DNAH12: variants seen among roughly 807,000 people sequenced by gnomAD.
DNAH12 encodes the protein axonemal beta dynein heavy chain 12.
Under a neutral mutation model 371.5 loss-of-function variants are expected in DNAH12, and 285 were observed. The observed-to-expected ratio is 0.77, with a 90% confidence interval of 0.70 to 0.85. The LOEUF is 0.85. DNAH12 is among the 40% of genes least tolerant of loss of function. DNAH12 has a pLI of 0.00. For synonymous variants in DNAH12, 1,200 were observed against 1,213.0 expected (o/e 0.99, Z 0.22); for missense variants, 3,611 against 3,689.4 (o/e 0.98, Z 0.55).
chr3:57,394,835 G>A (rs1042480509), intron 43 of DNAH12, among the ~76,000 whole-genome samples: 68,476 of 151,878 alleles, frequency 0.45, 16,430 homozygotes, highest in East Asian at 0.62. Context: ...ACCTCTAGAC[G>A]CTTCAGTGTA....
intron 66 of DNAH12, among the ~76,000 whole-genome samples, 175 bp from the exon 67 acceptor site, chr3:57,311,125 G>A (rs547625241): frequency 6.6e-6 from 1 of 152,332 alleles, no homozygotes; most frequent in African/African-American, 2.4e-5. Flanking sequence ...GCCCAGGCTG[G>A]AGTGCAGAGG....
intron 4 of DNAH12, chr3:57,520,035 G>T (rs1028348241): frequency 1.6e-5 from 11 of 700,366 alleles, no homozygotes; most frequent in Non-Finnish European, 2.5e-5. Flanking sequence ...GCCGATGGCC[G>T]ACGTTGGGTT....
Position 57,403,470 on chromosome 3 carries a change from G to A in DNAH12, c.6787C>T (p.Arg2263Ter). 6.5e-7 allele frequency: 1 copy of A among 1,549,208 alleles called. No individual in the cohort carries two copies. Among genetic ancestry groups the A allele is most frequent in the Middle Eastern group, 1.7e-4 (1 of 5,982 alleles). ...TTTCCACCAGATTGCTTTAGAACTC[G>A]ACATATTCTTGATAAATGTTCCAAA... ...YVLEHLSRIC[R>*]VLKQSGGNAL... Residue 2263 changes from arginine to a stop codon, truncating the protein, a stop_gained, in exon 43 of 74, where the codon CGA becomes TGA. Transcript: ENST00000495027. LOFTEE classifies it high-confidence loss of function.
At chr3:57,323,753 C>G (rs1341628878) in intron 62 of DNAH12, 134 bp from the exon 63 acceptor site, 2 of 899,990 alleles carry the variant, frequency 2.2e-6, no homozygotes, top group African/African-American at 3.5e-5. Flanking sequence ...ATAGACAAAG[C>G]ACTAATTTCT....
At position 57,332,558 on chromosome 3, in the gene DNAH12, G is replaced by A. The variant is rs752089382; in HGVS notation, c.9978+1907C>T. On this transcript the variant is annotated intron_variant, in intron 62 of 73. Coordinates refer to ENST00000495027, the MANE Select transcript of DNAH12 (RefSeq NM_001366028.2). ...GAGGTATGCTAGACTGTGGAACAGC[G>A]AGAGTGATTAAGGCAGAGCAATGCA... Among the ~76,000 whole-genome samples, 47 of 152,204 alleles carry A rather than the reference G, an allele frequency of 3.1e-4. 1 individual carries two copies. The highest frequency in any genetic ancestry group is 8.8e-5 in the Non-Finnish European group (6 of 68,032).
rs782415526 is a variant in DNAH12 at position 57,405,811 on chromosome 3, G to A, written c.6418C>T (p.Arg2140Cys). The part of the protein sequence containing the change: ...DAVANKHTMI[R>C]LFVHEVLRVF... The stretch of plus-strand genomic sequence containing the variant: ...CGGAGAACCTCATGCACAAACAGAC[G>A]GATCATAGTGTGTTTGTTCGCCACG... The change falls in exon 41 of 74, where the codon CGT (arginine) becomes TGT (cysteine). Residue 2140 changes from arginine to cysteine, a missense_variant. Transcript: ENST00000495027. The A allele has an allele frequency of 4.4e-5, 69 of 1,551,640 alleles. No homozygotes were observed. In the Middle Eastern group the frequency reaches 6.7e-4, roughly 15 times the overall value.
rs538017237 is a variant in DNAH12, at chr3:57,330,592, T to C, written c.9978+3873A>G. 9.5e-4 allele frequency among the ~76,000 whole-genome samples: 141 copies of C among 148,212 alleles called. 1 individual carries two copies. The highest frequency in any genetic ancestry group is 3.4e-3 in the Middle Eastern group (1 of 290). On this transcript the variant is annotated intron_variant, in intron 62 of 73. Transcript: ENST00000495027. ...GTGGGGGGAGGGGGGAAGGATAGCATTGGGAGATATACCTAATGCCAGATG... is the reference window on the plus strand; with the variant it reads ...GTGGGGGGAGGGGGGAAGGATAGCACTGGGAGATATACCTAATGCCAGATG...
chr3:57,549,562 TTC>T, the DNAH12 span, among the ~76,000 whole-genome samples: 4 of 151,524 alleles, frequency 2.6e-5, no homozygotes, highest in Admixed American at 6.6e-5. Flanking sequence ...CACAATCTGT[TTC>T]TCTCTCTCTC....
intron 34 of DNAH12, among the ~76,000 whole-genome samples, chr3:57,426,099 A>G (rs948869242): frequency 4.6e-5 from 7 of 152,104 alleles, no homozygotes; most frequent in African/African-American, 1.4e-4. Context: ...CCAGGTGAAC[A>G]AGGGAAGGAT....
chr3:57,368,531 G>A (rs1367346578), intron 55 of DNAH12, among the ~76,000 whole-genome samples: 2 of 151,928 alleles, frequency 1.3e-5, no homozygotes, highest in African/African-American at 4.8e-5. Flanking sequence ...AGAAGTAGTA[G>A]GACCTTGTGA....
chr3:57,321,585 T>TTC (rs2061806456), intron 65 of DNAH12, among the ~76,000 whole-genome samples: 2 of 152,164 alleles, frequency 1.3e-5, no homozygotes, highest in Admixed American at 1.3e-4. Context: ...TCAGCCCAGC[T>TTC]TCTCCCTTTT....
chr3:57,461,127 A>C (rs1480831341), intron 19 of DNAH12, among the ~76,000 whole-genome samples: 1 of 152,178 alleles, frequency 6.6e-6, no homozygotes, highest in Non-Finnish European at 1.5e-5. Flanking sequence ...GTTTACAACT[A>C]TAATTAAAGT....
At position 57,321,146 on chromosome 3, in the gene DNAH12, C is replaced by T. The variant is rs894713493; in HGVS notation, c.10524+1197G>A. ...AAATTTCCCTTCTCTTTCTTGCCCT[C>T]GCTCTTCTAATTGCAGGAGCTCAAA... On this transcript the variant is annotated intron_variant, in intron 65 of 73. Coordinates refer to ENST00000495027, the MANE Select transcript of DNAH12 (RefSeq NM_001366028.2). Among the ~76,000 whole-genome samples, 9 of 152,116 alleles carry T rather than the reference C, an allele frequency of 5.9e-5. No individual in the cohort carries two copies. The South Asian group carries it at 6.2e-4, about 11-fold the overall frequency.
At chr3:57,456,229 C>T (rs936469493) in intron 22 of DNAH12, among the ~76,000 whole-genome samples, 14 of 152,168 alleles carry the variant, frequency 9.2e-5, no homozygotes, top group African/African-American at 3.4e-4. Context: ...TGCTTTGAAT[C>T]ATAAATAGTA....
In DNAH12 at chr3:57,459,752, G is replaced by A. The variant is rs780050849; in HGVS notation, c.2771C>T (p.Thr924Ile). Residue 924 changes from threonine to isoleucine, a missense_variant, in exon 20 of 74, where the codon ACA becomes ATA. Transcript: ENST00000495027. ...WEDRLIRIQETIDEWLKVQAQ... is the reference protein window; with the variant it reads ...WEDRLIRIQEIIDEWLKVQAQ... ...TTGTACTTTTAACCATTCATCAATT[G>A]TTTCTTGTATTCGAATCAAGCGGTC... 2 of 1,525,854 alleles carry A rather than the reference G, an allele frequency of 1.3e-6. No individual in the cohort carries two copies. Among genetic ancestry groups the A allele is most frequent in the South Asian group, 2.5e-5 (2 of 80,628 alleles). The allele number at this position is 1,525,854 out of a possible 1,614,324, so 94.5% of individuals were successfully genotyped here.
At chr3:57,332,421 G>C (rs539113886) in intron 62 of DNAH12, among the ~76,000 whole-genome samples, 15 of 152,268 alleles carry the variant, frequency 9.9e-5, no homozygotes, top group Admixed American at 7.8e-4. Flanking sequence ...TTAAAAAACA[G>C]GCACAATTAA....
intron 17 of DNAH12, among the ~76,000 whole-genome samples, chr3:57,467,636 T>C (rs763489303): frequency 3.7e-4 from 56 of 152,204 alleles, no homozygotes; most frequent in Admixed American, 1.1e-3. Context: ...TAAACAATGG[T>C]ATACTCTTCC....
chr3:57,390,136 G>T (rs1173734165), intron 45 of DNAH12, among the ~76,000 whole-genome samples: 1 of 148,660 alleles, frequency 6.7e-6, no homozygotes, highest in Non-Finnish European at 1.5e-5. Flanking sequence ...GCCCAACTGA[G>T]AGCACCAATA....
intron 4 of DNAH12, among the ~76,000 whole-genome samples, chr3:57,515,998 A>G (rs1361277511): frequency 2.0e-5 from 3 of 150,336 alleles, no homozygotes; most frequent in Admixed American, 2.0e-4. Context: ...TGCTCACTCC[A>G]AAATTCTTAC....
Sources: allele counts gnomAD v4.1 joint callset (sites outside exome capture counted in the v4.1 genomes callset), GRCh38; gene constraint gnomAD v4.1.1; transcripts MANE v1.5; gene names NCBI Gene and HGNC (gene_info 2026-07-23, HGNC 2026-07-21).